SLC22A3: variants seen among roughly 807,000 people sequenced by gnomAD.
SLC22A3 encodes EMT organic cation transporter 3.
A neutral mutation model predicts 59.1 loss-of-function variants in SLC22A3; 51 were observed. The ratio of observed to expected loss-of-function variants is 0.86; its 90% CI spans 0.69 to 1.09. The LOEUF (loss-of-function observed/expected upper bound fraction) is 1.09. Among genes scored for constraint, SLC22A3 ranks in the 50% least tolerant of loss-of-function variants. The pLI, the probability that SLC22A3 is intolerant of heterozygous loss-of-function variation, is 0.00. For synonymous variants in SLC22A3, 325 were observed against 292.0 expected, an observed-to-expected ratio of 1.11 and a Z score of -1.15; for missense variants, 711 against 726.3, an observed-to-expected ratio of 0.98 and a Z score of 0.24.
At chr6:160,399,605 C>T (rs1244392039) in intron 2 of SLC22A3, among the ~76,000 whole-genome samples, 1 of 152,136 alleles carries the variant, frequency 6.6e-6, no homozygotes, top group East Asian at 1.9e-4. Flanking sequence ...CTACATTTGG[C>T]TTCTTCTCTT....
chr6:160,400,407 C>A (rs1786721616), intron 2 of SLC22A3, among the ~76,000 whole-genome samples: 1 of 151,950 alleles, frequency 6.6e-6, no homozygotes, highest in Admixed American at 6.6e-5. Context: ...GGGAAATACC[C>A]AGCTCCAGCC....
chr6:160,362,844 C>G (rs1265297074), intron 1 of SLC22A3, among the ~76,000 whole-genome samples: 1 of 152,208 alleles, frequency 6.6e-6, no homozygotes, highest in South Asian at 2.1e-4. Context: ...GAGGTGGTGC[C>G]GGCAGCCGCG....
chr6:160,398,140 G>C, intron 2 of SLC22A3, 58 bp downstream of exon 2: 1 of 1,249,220 alleles, frequency 8.0e-7, no homozygotes. Flanking sequence ...TTAATACGGG[G>C]AGAAAAATGT....
In SLC22A3 at chr6:160,357,417, C is replaced by T. The variant is rs140983109; in HGVS notation, c.429+8569C>T. Reference sequence around the variant, plus strand: ...CTGCCAACGGGAAGCTTTGGGCAATCGACAGCACAAAATGAAAGACAACAT... The same window carrying T: ...CTGCCAACGGGAAGCTTTGGGCAATTGACAGCACAAAATGAAAGACAACAT... On this transcript the variant is annotated intron_variant, in intron 1 of 10. Transcript: ENST00000275300. 8.2e-4 allele frequency among the ~76,000 whole-genome samples: 125 copies of T among 152,206 alleles called. 1 individual carries two copies. Among genetic ancestry groups the T allele is most frequent in the African/African-American group, 2.9e-3 (121 of 41,510 alleles).
intron 1 of SLC22A3, among the ~76,000 whole-genome samples, chr6:160,367,024 A>G (rs1194748913): frequency 6.6e-6 from 1 of 152,056 alleles, no homozygotes; most frequent in Non-Finnish European, 1.5e-5. Flanking sequence ...TTGCTTCCAC[A>G]TTTTTGGGTA....
chr6:160,400,984 G>GAAAAAAAAAAAAAAAAAAAAACCAAAAAA, intron 2 of SLC22A3, among the ~76,000 whole-genome samples: 1 of 78,558 alleles, frequency 1.3e-5, no homozygotes, highest in Middle Eastern at 8.3e-3. Flanking sequence ...CTCCAAAACT[G>GAAAAAAAAAAAAAAAAAAAAACCAAAAAA]AAAAAAAAAA....
chr6:160,392,651 C>T (rs1786308438), intron 1 of SLC22A3, among the ~76,000 whole-genome samples: 1 of 152,140 alleles, frequency 6.6e-6, no homozygotes, highest in Admixed American at 6.5e-5. Flanking sequence ...CAAATAGTGC[C>T]ATCAGATCAT....
At chr6:160,448,378 T>C (rs1165901701) in intron 10 of SLC22A3, among the ~76,000 whole-genome samples, 4 of 151,040 alleles carry the variant, frequency 2.6e-5, no homozygotes, top group Admixed American at 6.6e-5. Flanking sequence ...AGATGGATGA[T>C]AGATAGATAT....
At chr6:160,367,219 A>G (rs575126874) in intron 1 of SLC22A3, among the ~76,000 whole-genome samples, 5 of 152,184 alleles carry the variant, frequency 3.3e-5, no homozygotes, top group Non-Finnish European at 7.3e-5. Flanking sequence ...GGAAGTAAAC[A>G]TGTCCTTCAT....
chr6:160,417,837 C>A (rs2114875504), intron 5 of SLC22A3, among the ~76,000 whole-genome samples: 1 of 152,290 alleles, frequency 6.6e-6, no homozygotes, highest in East Asian at 1.9e-4. Flanking sequence ...AGAAAATTCC[C>A]AGGCTTACCT....
rs186612850 is a variant in SLC22A3, at chr6:160,366,651, A to G, written c.429+17803A>G. On this transcript the variant is annotated intron_variant, in intron 1 of 10. Coordinates refer to ENST00000275300, the MANE Select transcript of SLC22A3 (RefSeq NM_021977.4). ...CACACTGCCCTAGCAGAGGTTCTTC[A>G]TGAGGGCTGTGCCCCACAATACACA... Among the ~76,000 whole-genome samples, 16 of 152,308 alleles carry G rather than the reference A, an allele frequency of 1.1e-4. No individual in the cohort carries two copies. In the East Asian group the frequency reaches 2.7e-3, roughly 26 times the overall value.
chr6:160,407,157 T>A lies in SLC22A3; in HGVS notation c.650T>A (p.Val217Glu). 3.7e-6 allele frequency: 6 copies of A among 1,612,082 alleles called. No homozygotes were observed. The highest frequency in any genetic ancestry group is 5.1e-6 in the Non-Finnish European group (6 of 1,178,944). The change falls in exon 3 of 11, where the codon GTA (valine) becomes GAA (glutamate). Residue 217 changes from valine (V) to glutamate (E), a missense_variant. Physicochemically the swap from Val to Glu is moderately radical, Grantham distance 121. Coordinates refer to ENST00000275300, the MANE Select transcript of SLC22A3 (RefSeq NM_021977.4). ...GTGATCTTCCGCTTCCTGCAAGGTG[T>A]ATTTGGAAAGGGGACGTGGATGACT... ...VFVIFRFLQG[V>E]FGKGTWMTCY...
At chr6:160,405,929 G>A (rs193140165) in intron 2 of SLC22A3, among the ~76,000 whole-genome samples, 1 of 152,250 alleles carries the variant, frequency 6.6e-6, no homozygotes, top group Non-Finnish European at 1.5e-5. Flanking sequence ...GGGAGAGGGA[G>A]GGATGAACAG....
In SLC22A3 at chr6:160,451,424, C is replaced by G; in HGVS notation, c.*368C>G. On this transcript the variant is annotated 3_prime_UTR_variant, in exon 11 of 11. Coordinates refer to ENST00000275300, the MANE Select transcript of SLC22A3 (RefSeq NM_021977.4). ...GCTCCATCAAGAATGTGGGATGTGC[C>G]GACCAAGGATTTGAGAAAGTTGTAC... The G allele has an allele frequency of 4.6e-6, 1 of 215,742 alleles. No individual in the cohort carries two copies. The highest frequency in any genetic ancestry group is 9.4e-6 in the Non-Finnish European group (1 of 106,598). 13.4% of individuals were successfully genotyped at this position (215,742 alleles called of 1,614,324 possible). A position where few individuals can be genotyped will look rare whatever the true frequency, so the allele number is the denominator to read the frequency against.
intron 1 of SLC22A3, among the ~76,000 whole-genome samples, chr6:160,355,788 CAACAACAACA>C (rs1191468951): frequency 5.0e-5 from 7 of 139,260 alleles, no homozygotes; most frequent in Non-Finnish European, 9.6e-5. Flanking sequence ...ACAACAACAA[CAACAACAACA>C]AAAAACTTGT....
chr6:160,380,272 A>G (rs1470399196), intron 1 of SLC22A3, among the ~76,000 whole-genome samples: 1 of 152,054 alleles, frequency 6.6e-6, no homozygotes, highest in African/African-American at 2.4e-5. Context: ...CAGTGCATTT[A>G]TTTTTCTTCC....
chr6:160,383,363 T>C (rs1180856854), intron 1 of SLC22A3, among the ~76,000 whole-genome samples: 1 of 151,998 alleles, frequency 6.6e-6, no homozygotes, highest in Non-Finnish European at 1.5e-5. Context: ...TCAAATGTAA[T>C]TGTCAGAAAG....
At chr6:160,448,928 A>G (rs1477998506) in intron 10 of SLC22A3, among the ~76,000 whole-genome samples, 2 of 152,176 alleles carry the variant, frequency 1.3e-5, no homozygotes, top group East Asian at 3.8e-4. Context: ...TAATTTAACA[A>G]CTAAAAAGCA....
Position 160,451,307 on chromosome 6 carries a change from C to G in SLC22A3, c.*251C>G. 2.1e-6 allele frequency: 1 copy of G among 468,236 alleles called. No individual in the cohort carries two copies. Among genetic ancestry groups the G allele is most frequent in the Non-Finnish European group, 3.9e-6 (1 of 257,778 alleles). The allele number at this position is 468,236 out of a possible 1,614,324, so 29.0% of individuals were successfully genotyped here. A position where few individuals can be genotyped will look rare whatever the true frequency, so the allele number is the denominator to read the frequency against. On this transcript the variant is annotated 3_prime_UTR_variant, in exon 11 of 11. Coordinates refer to ENST00000275300, the MANE Select transcript of SLC22A3 (RefSeq NM_021977.4). ...ACAAAGAAGCTGTCAGGTGCACAGC[C>G]CTTCCTGGGTTTTTTTCTTGTGTTC...
Sources: gnomAD v4.1 joint callset for allele counts (sites outside exome capture counted in the v4.1 genomes callset) on GRCh38, gnomAD v4.1.1 for gene constraint, MANE v1.5 for transcripts, NCBI Gene and HGNC (gene_info 2026-07-23, HGNC 2026-07-21) for gene names.